Variants in PACSIN3 observed in about 807,000 individuals in gnomAD.
PACSIN3 encodes the protein protein kinase C and casein kinase substrate in neurons 3.
Under a neutral mutation model 56.1 loss-of-function variants are expected in PACSIN3, and 34 were observed. That is an observed-to-expected ratio of 0.61 (90% CI 0.46 to 0.81). The LOEUF (loss-of-function observed/expected upper bound fraction) is 0.81, where lower values mean the gene tolerates loss of function less well. Ranked by LOEUF, PACSIN3 falls within the 30% of genes least tolerant of loss-of-function variation. The pLI is 0.00. For missense variants in PACSIN3, 535 were observed against 592.4 expected, an observed-to-expected ratio of 0.90 and a Z score of 1.01; for synonymous variants, 218 against 229.8, an observed-to-expected ratio of 0.95 and a Z score of 0.46.
intron 4 of PACSIN3, among the ~76,000 whole-genome samples, chr11:47,181,271 GAAAA>G (rs1465493525): frequency 6.6e-6 from 1 of 151,264 alleles, no homozygotes; most frequent in Non-Finnish European, 1.5e-5. Flanking sequence ...CAAAAAAAAA[GAAAA>G]AAAAGAGGAG....
chr11:47,180,507 G>T lies in PACSIN3; in HGVS notation c.395C>A (p.Ala132Asp). Residue 132 changes from alanine (A) to aspartate (D), a missense_variant, in exon 5 of 11, where the codon GCC (alanine) becomes GAC (aspartate). Ala to Asp is a moderately radical substitution (Grantham distance 126, BLOSUM62 -2). Coordinates refer to ENST00000298838, the MANE Select transcript of PACSIN3 (RefSeq NM_016223.5). ...CTGGGCCTTGCGGAAGCCGTCCTCG[G>T]CCGCCCGGCTCTCGCGGAAGCCGCC... Reference protein sequence around the residue: ...VLGGFRESRAAEDGFRKAQKP... With the variant: ...VLGGFRESRADEDGFRKAQKP... The T allele has an allele frequency of 6.2e-7, 1 of 1,604,128 alleles. No individual in the cohort carries two copies.
intron 3 of PACSIN3, 52 bp from the exon 4 acceptor site, chr11:47,182,611 C>G (rs770560316): frequency 7.5e-6 from 12 of 1,604,032 alleles, no homozygotes; most frequent in Non-Finnish European, 1.0e-5. Flanking sequence ...TCCTTTGGGG[C>G]TGGGGCTGTC....
intron 6 of PACSIN3, 103 bp downstream of exon 6, chr11:47,180,083 G>A (rs2135454224): frequency 1.9e-6 from 2 of 1,043,668 alleles, no homozygotes; most frequent in East Asian, 2.4e-5. Context: ...TGAGGAATAG[G>A]GTAATAAGGG....
rs113909496 is a variant in PACSIN3, at chr11:47,182,724, C to G, written c.4G>C (p.Ala2Pro). The change falls in exon 3 of 11, where the codon GCT becomes CCT. Residue 2 changes from alanine to proline, a missense_variant. Physicochemically the swap from Ala to Pro is conservative, Grantham distance 27. Transcript: ENST00000298838. Reference sequence around the variant, plus strand: ...TCCCCTCCAGCGTCCTCTTCTGGAGCCATGGTGTCCCCGCAGCACGGAATG... The same window carrying G: ...TCCCCTCCAGCGTCCTCTTCTGGAGGCATGGTGTCCCCGCAGCACGGAATG... M[A>P]PEEDAGGEAL... 6.2e-7 allele frequency: 1 copy of G among 1,612,058 alleles called. No homozygotes were observed. The highest frequency in any genetic ancestry group is 1.1e-5 in the South Asian group (1 of 90,730).
chr11:47,182,794 G>T, intron 2 of PACSIN3, 30 bp from the exon 3 acceptor site: 1 of 1,512,414 alleles, frequency 6.6e-7, no homozygotes, highest in Non-Finnish European at 9.0e-7. Flanking sequence ...AAGCAGGAAA[G>T]CTGGACATTA....
rs192039010 is a variant in PACSIN3 at position 47,180,486 on chromosome 11, G to T, written c.416C>A (p.Ala139Asp). The stretch of plus-strand genomic sequence containing the variant: ...CAGCCTCTTCAGCCAGGGCTTCTGG[G>T]CCTTGCGGAAGCCGTCCTCGGCCGC... ...SRAAEDGFRKAQKPWLKRLKE... is the reference protein window; with the variant it reads ...SRAAEDGFRKDQKPWLKRLKE... Residue 139 changes from alanine (A) to aspartate (D), a missense_variant, in exon 5 of 11, where the codon GCC (alanine) becomes GAC (aspartate). Transcript: ENST00000298838. 2.5e-6 allele frequency: 4 copies of T among 1,603,856 alleles called. No individual in the cohort carries two copies. The Admixed American group carries it at 6.7e-5, about 27-fold the overall frequency.
Position 47,180,510 on chromosome 11 carries a change from G to T in PACSIN3, c.392C>A (p.Ala131Glu). 6.2e-7 allele frequency: 1 copy of T among 1,603,996 alleles called. No individual in the cohort carries two copies. ...GGCCTTGCGGAAGCCGTCCTCGGCCGCCCGGCTCTCGCGGAAGCCGCCCAG... is the reference window on the plus strand; with the variant it reads ...GGCCTTGCGGAAGCCGTCCTCGGCCTCCCGGCTCTCGCGGAAGCCGCCCAG... ...PVLGGFRESRAAEDGFRKAQK... is the reference protein window; with the variant it reads ...PVLGGFRESREAEDGFRKAQK... Residue 131 changes from alanine to glutamate, a missense_variant, in exon 5 of 11, where the codon GCG (alanine) becomes GAG (glutamate). Coordinates refer to ENST00000298838, the MANE Select transcript of PACSIN3 (RefSeq NM_016223.5).
In PACSIN3 at chr11:47,179,261, A is replaced by T; in HGVS notation, c.798T>A (p.Arg266=). ...SSSEKFHELH[R]DLHQGIEAAS... is the part of the protein sequence containing the mutation. Reference sequence around the variant, plus strand: ...CTGCCTCAATGCCCTGGTGCAAGTCACGGTGGAGTTCATGGAACCTATGAC... The same window carrying T: ...CTGCCTCAATGCCCTGGTGCAAGTCTCGGTGGAGTTCATGGAACCTATGAC... Residue 266 remains arginine, a synonymous_variant, in exon 8 of 11, where the codon CGT becomes CGA. Transcript: ENST00000298838. The surrounding 1 kb of genome is among the most constrained non-coding windows in gnomAD (Gnocchi z 4.4). 5.0e-6 allele frequency: 8 copies of T among 1,614,006 alleles called. No individual in the cohort carries two copies. The highest frequency in any genetic ancestry group is 6.8e-6 in the Non-Finnish European group (8 of 1,180,028).
At chr11:47,183,324 G>A (rs1414234760) in intron 1 of PACSIN3, 1 of 152,440 alleles carries the variant, frequency 6.6e-6, no homozygotes, top group Admixed American at 6.5e-5. Context: ...TGAGTGACAA[G>A]ACAACCCTGT....
Position 47,179,388 on chromosome 11 carries a change from C to T in PACSIN3, c.779+23G>A. On this transcript the variant is annotated intron_variant, in intron 7 of 10. Transcript: ENST00000298838. The surrounding 1 kb of genome is among the most constrained non-coding windows in gnomAD (Gnocchi z 4.4). Reference sequence around the variant, plus strand: ...GAGACCCAGTACTACCCCAGATCTCCATGCCCACCAGGCAGTTCATACTTC... The same window carrying T: ...GAGACCCAGTACTACCCCAGATCTCTATGCCCACCAGGCAGTTCATACTTC... 1 of 1,613,736 alleles carries T rather than the reference C, an allele frequency of 6.2e-7. No individual in the cohort carries two copies. The highest frequency in any genetic ancestry group is 1.3e-5 in the African/African-American group (1 of 75,020).
rs1251237211 is a variant in PACSIN3 at position 47,178,320 on chromosome 11, G to A, written c.1159+46C>T. On this transcript the variant is annotated intron_variant, in intron 10 of 10. Coordinates refer to ENST00000298838, the MANE Select transcript of PACSIN3 (RefSeq NM_016223.5). This position sits in a 1 kb window ranked among gnomAD's most constrained non-coding sequence, Gnocchi z 4.2. Reference sequence around the variant, plus strand: ...CTTCCCTTTCTGACACCCCTGCTCAGGCAGATAAGGCAGAGGCTGAAGCTA... The same window carrying A: ...CTTCCCTTTCTGACACCCCTGCTCAAGCAGATAAGGCAGAGGCTGAAGCTA... 6.2e-7 allele frequency: 1 copy of A among 1,606,164 alleles called. No individual in the cohort carries two copies. Among genetic ancestry groups the A allele is most frequent in the Admixed American group, 1.7e-5 (1 of 59,376 alleles).
intron 4 of PACSIN3, among the ~76,000 whole-genome samples, chr11:47,181,226 T>C (rs573944985): frequency 6.6e-6 from 1 of 151,200 alleles, no homozygotes; most frequent in African/African-American, 2.5e-5. Flanking sequence ...CACGCCGCTG[T>C]ACTCCAGCCT....
chr11:47,182,599 C>G lies in PACSIN3; in HGVS notation c.55-40G>C, dbSNP rs371359220. The G allele has an allele frequency of 6.2e-6, 10 of 1,604,504 alleles. No individual in the cohort carries two copies. The African/African-American group carries it at 1.3e-4, about 21-fold the overall frequency. On this transcript the variant is annotated intron_variant, in intron 3 of 10. Coordinates refer to ENST00000298838, the MANE Select transcript of PACSIN3 (RefSeq NM_016223.5). ...AAAGGGTGCCATCACCAGGGAGAAG[C>G]TTCCTTTGGGGCTGGGGCTGTCAGA...
At chr11:47,182,817 T>C (rs1953053859) in intron 2 of PACSIN3, 53 bp from the exon 3 acceptor site, 1 of 1,393,174 alleles carries the variant, frequency 7.2e-7, no homozygotes, top group East Asian at 2.3e-5. Context: ...TTTCTGGGGA[T>C]AGGAAAAGAC....
chr11:47,181,602 C>A (rs546900551), intron 4 of PACSIN3, among the ~76,000 whole-genome samples: 6 of 152,058 alleles, frequency 3.9e-5, no homozygotes, highest in Admixed American at 3.9e-4. Context: ...GGAGAAAGGA[C>A]CGCTAGAGCC....
chr11:47,183,899 G>A (rs949266253), intron 1 of PACSIN3, among the ~76,000 whole-genome samples: 1 of 152,080 alleles, frequency 6.6e-6, no homozygotes, highest in African/African-American at 2.4e-5. Context: ...GCGGGAACCT[G>A]TAGTCCCAGC....
At position 47,179,543 on chromosome 11, in the gene PACSIN3, T is replaced by C; in HGVS notation, c.647A>G (p.Tyr216Cys). ...CATGTCCTCCATGTAGCGTGGAGTGTAGCGATGCAGCTCTGCCAGCGTCTG... is the reference window on the plus strand; with the variant it reads ...CATGTCCTCCATGTAGCGTGGAGTGCAGCGATGCAGCTCTGCCAGCGTCTG... The part of the protein sequence containing the change: ...YEQTLAELHR[Y>C]TPRYMEDMEQ... Residue 216 changes from tyrosine (Y) to cysteine (C), a missense_variant, in exon 7 of 11, where the codon TAC becomes TGC. By Grantham distance (194) the Tyr-to-Cys change is radical. Coordinates refer to ENST00000298838, the MANE Select transcript of PACSIN3 (RefSeq NM_016223.5). This position sits in a 1 kb window ranked among gnomAD's most constrained non-coding sequence, Gnocchi z 4.4. 1 of 1,613,814 alleles carries C rather than the reference T, an allele frequency of 6.2e-7. No individual in the cohort carries two copies. Among genetic ancestry groups the C allele is most frequent in the South Asian group, 1.1e-5 (1 of 91,080 alleles).
chr11:47,180,695 AG>A lies in PACSIN3; in HGVS notation c.212-6del, dbSNP rs771532182. 7 of 1,589,418 alleles carry A rather than the reference AG, an allele frequency of 4.4e-6. 1 individual carries two copies. In the South Asian group the frequency reaches 5.6e-5, roughly 13 times the overall value. ...CCAGTGTGCCATACTGGGGGCCTGC[AG>A]GGAGGGACAGGGCTTAGGCCAGGCC... On this transcript the variant is annotated splice_region_variant and splice_polypyrimidine_tract_variant and intron_variant, in intron 4 of 10. Coordinates refer to ENST00000298838, the MANE Select transcript of PACSIN3 (RefSeq NM_016223.5).
intron 1 of PACSIN3, among the ~76,000 whole-genome samples, chr11:47,184,126 C>T (rs1333626257): frequency 6.6e-6 from 1 of 152,226 alleles, no homozygotes; most frequent in East Asian, 1.9e-4. Context: ...TGCTCCCCTC[C>T]TGCCTCTGGG....
Sources: gnomAD v4.1 joint callset for allele counts (sites outside exome capture counted in the v4.1 genomes callset) on GRCh38, gnomAD v4.1.1 for gene constraint, Gnocchi (gnomAD v3.1) non-coding constraint, MANE v1.5 for transcripts, NCBI Gene and HGNC (gene_info 2026-07-23, HGNC 2026-07-21) for gene names.